Variants in CDH8 observed in about 807,000 individuals in gnomAD.
The protein encoded by CDH8 is cadherin 8, also known as cadherin-8.
A neutral mutation model predicts 68.1 loss-of-function variants in CDH8; 17 were observed. The ratio of observed to expected loss-of-function variants is 0.25; its 90% CI spans 0.17 to 0.37. CDH8 has a LOEUF of 0.37. Ranked by LOEUF, CDH8 falls within the 10% of genes least tolerant of loss-of-function variation. CDH8 has a pLI of 1.00. For missense variants in CDH8, 763 were observed against 999.3 expected (o/e 0.76, Z 3.19); for synonymous variants, 372 against 365.1 (o/e 1.02, Z -0.21).
At chr16:61,946,381 TGAA>T (rs1248232276) in intron 2 of CDH8, among the ~76,000 whole-genome samples, 1 of 152,190 alleles carries the variant, frequency 6.6e-6, no homozygotes, top group Non-Finnish European at 1.5e-5. Flanking sequence ...TCACAAGAAT[TGAA>T]GATTGTGTGT....
At chr16:62,007,551 G>A (rs368803752) in intron 2 of CDH8, among the ~76,000 whole-genome samples, 160 of 152,112 alleles carry the variant, frequency 1.1e-3, no homozygotes, top group African/African-American at 3.5e-3. Context: ...TCAGCTATTC[G>A]GCAAACGTCA....
At chr16:61,670,030 T>C (rs1196022761) in intron 10 of CDH8, among the ~76,000 whole-genome samples, 1 of 152,082 alleles carries the variant, frequency 6.6e-6, no homozygotes, top group African/African-American at 2.4e-5. Context: ...TCAGATTCAA[T>C]CGTTCAATAA....
At chr16:61,688,320 T>C (rs1204586936) in intron 10 of CDH8, among the ~76,000 whole-genome samples, 1 of 152,016 alleles carries the variant, frequency 6.6e-6, no homozygotes, top group African/African-American at 2.4e-5. Flanking sequence ...GAAACTTTAA[T>C]GAAGGACACC....
chr16:61,767,510 T>G (rs143450037), intron 8 of CDH8, among the ~76,000 whole-genome samples: 101 of 152,044 alleles, frequency 6.6e-4, no homozygotes, highest in African/African-American at 2.4e-3. Flanking sequence ...AAAGAATCAG[T>G]GTGCAATGTA....
chr16:61,818,649 C>T (rs923874607), intron 6 of CDH8, among the ~76,000 whole-genome samples: 1 of 152,142 alleles, frequency 6.6e-6, no homozygotes, highest in Non-Finnish European at 1.5e-5. Context: ...CAGAAGCCCA[C>T]GTGCATTAGC....
At chr16:61,873,121 G>T (rs1963399657) in intron 3 of CDH8, among the ~76,000 whole-genome samples, 1 of 152,066 alleles carries the variant, frequency 6.6e-6, no homozygotes, top group African/African-American at 2.4e-5. Flanking sequence ...CTCTAGTTAG[G>T]GTATGTCTTG....
At chr16:61,822,205 C>CCTTTTTTTTTTTTTTTTTT (rs1962230457) in intron 5 of CDH8, among the ~76,000 whole-genome samples, 1 of 45,630 alleles carries the variant, frequency 2.2e-5, no homozygotes, top group African/African-American at 1.1e-4. Context: ...AAAAACGCAC[C>CCTTTTTTTTTTTTTTTTTT]TTTTTTTTTT....
chr16:61,946,839 A>G (rs1964810169), intron 2 of CDH8, among the ~76,000 whole-genome samples: 1 of 152,192 alleles, frequency 6.6e-6, no homozygotes, highest in Admixed American at 6.5e-5. Flanking sequence ...TTGGACTCCT[A>G]ATAAATAATT....
At chr16:61,924,499 C>T (rs986535074) in intron 2 of CDH8, among the ~76,000 whole-genome samples, 9 of 152,186 alleles carry the variant, frequency 5.9e-5, no homozygotes, top group Middle Eastern at 3.4e-3. Flanking sequence ...ATTCCTTCCC[C>T]ACCTCTGACC....
At chr16:62,018,992 C>T (rs1046708844) in intron 2 of CDH8, among the ~76,000 whole-genome samples, 1 of 152,142 alleles carries the variant, frequency 6.6e-6, no homozygotes, top group African/African-American at 2.4e-5. Context: ...TTTTTCTACC[C>T]AGATAAAAAT....
At chr16:61,659,232 G>T (rs963693480) in intron 10 of CDH8, among the ~76,000 whole-genome samples, 11 of 152,272 alleles carry the variant, frequency 7.2e-5, no homozygotes, top group African/African-American at 2.6e-4. Context: ...TGGATCTGGA[G>T]GCAAGCAGCA....
chr16:61,807,174 G>A (rs1187285141), intron 7 of CDH8, among the ~76,000 whole-genome samples: 1 of 151,344 alleles, frequency 6.6e-6, no homozygotes, highest in Non-Finnish European at 1.5e-5. Context: ...TCTTTGTAGG[G>A]ACATGGATGA....
chr16:61,649,937 TCTCCCAAAGACA>T lies in CDH8; in HGVS notation c.*3659_*3670del, dbSNP rs2142728857. Reference sequence around the variant, plus strand: ...ACTTTAAGCATCTGATTAAGCAGACTCTCCCAAAGACACATTTGTATCTTTCTAAGCATTCTT... The same window carrying T: ...ACTTTAAGCATCTGATTAAGCAGACTCATTTGTATCTTTCTAAGCATTCTT... On this transcript the variant is annotated 3_prime_UTR_variant, in exon 12 of 12. Transcript: ENST00000577390. The T allele has an allele frequency of 6.6e-6, 1 of 152,224 alleles. No homozygotes were observed. Among genetic ancestry groups the T allele is most frequent in the East Asian group, 1.9e-4 (1 of 5,154 alleles). 9.4% of individuals were successfully genotyped at this position (152,224 alleles called of 1,614,324 possible).
chr16:61,770,023 G>A (rs555756201), intron 8 of CDH8, among the ~76,000 whole-genome samples: 1 of 151,970 alleles, frequency 6.6e-6, no homozygotes, highest in Non-Finnish European at 1.5e-5. Flanking sequence ...AGTAGAGAGA[G>A]TTCAGGCTTT....
intron 10 of CDH8, among the ~76,000 whole-genome samples, chr16:61,701,958 C>T (rs1447944691): frequency 1.3e-5 from 2 of 152,176 alleles, no homozygotes; most frequent in South Asian, 2.1e-4. Context: ...TTTATGTCTT[C>T]TATAACAATT....
intron 5 of CDH8, among the ~76,000 whole-genome samples, chr16:61,823,123 A>G (rs985931219): frequency 2.6e-5 from 4 of 151,970 alleles, no homozygotes; most frequent in Non-Finnish European, 4.4e-5. Flanking sequence ...AAAAGGTTGC[A>G]TTGTTGTCTG....
chr16:62,025,877 A>T (rs1038913099), intron 1 of CDH8, among the ~76,000 whole-genome samples: 2 of 121,408 alleles, frequency 1.6e-5, no homozygotes, highest in African/African-American at 6.2e-5. Context: ...CTTCAAAATA[A>T]TATAATATTA....
intron 8 of CDH8, among the ~76,000 whole-genome samples, chr16:61,752,598 GA>G (rs1960196700): frequency 6.6e-6 from 1 of 152,118 alleles, no homozygotes; most frequent in Non-Finnish European, 1.5e-5. Context: ...CATTCTGTGT[GA>G]CACTTTCCCC....
At chr16:61,840,733 A>G (rs1415874670) in intron 4 of CDH8, among the ~76,000 whole-genome samples, 1 of 152,094 alleles carries the variant, frequency 6.6e-6, no homozygotes, top group African/African-American at 2.4e-5. Context: ...GAACACATAG[A>G]CACAGGGAGG....
Sources: allele counts gnomAD v4.1 joint callset (sites outside exome capture counted in the v4.1 genomes callset), GRCh38; gene constraint gnomAD v4.1.1; transcripts MANE v1.5; gene names NCBI Gene and HGNC (gene_info 2026-07-23, HGNC 2026-07-21).